HSPA4L: variants seen among roughly 807,000 people sequenced by gnomAD.
HSPA4L encodes heat shock 70 kDa protein 4L.
Under a neutral mutation model 100.3 loss-of-function variants are expected in HSPA4L, and 48 were observed. The ratio of observed to expected loss-of-function variants is 0.48; its 90% CI spans 0.38 to 0.61. HSPA4L has a LOEUF of 0.61. Among genes scored for constraint, HSPA4L ranks in the 20% least tolerant of loss-of-function variants. The pLI, the probability that HSPA4L is intolerant of heterozygous loss-of-function variation, is 0.00. For missense variants in HSPA4L, 886 were observed against 988.6 expected, an observed-to-expected ratio of 0.90 and a Z score of 1.39; for synonymous variants, 319 against 328.2, an observed-to-expected ratio of 0.97 and a Z score of 0.30.
intron 5 of HSPA4L, among the ~76,000 whole-genome samples, chr4:127,801,499 G>GTA (rs1355080245): frequency 4.0e-4 from 53 of 131,092 alleles, no homozygotes; most frequent in East Asian, 1.7e-3. Flanking sequence ...GTGTGTGTGT[G>GTA]TGTATGTACT....
Position 127,813,064 on chromosome 4 carries a change from C to T in HSPA4L, c.1578+1428C>T, listed in dbSNP as rs1049899782. The T allele has an allele frequency of 6.4e-6, 7 of 1,089,546 alleles. No individual in the cohort carries two copies. In the African/African-American group the frequency reaches 9.4e-5, roughly 15 times the overall value. 67.5% of individuals were successfully genotyped at this position (1,089,546 alleles called of 1,614,324 possible). On this transcript the variant is annotated intron_variant, in intron 12 of 18. Coordinates refer to ENST00000296464, the MANE Select transcript of HSPA4L (RefSeq NM_014278.4). Reference sequence around the variant, plus strand: ...GTGGGGCATTCCTTTTTGAACAGTACCCGTTCCCTTGATGTCTACAATATC... The same window carrying T: ...GTGGGGCATTCCTTTTTGAACAGTATCCGTTCCCTTGATGTCTACAATATC...
At chr4:127,783,469 G>C (rs996473141) in intron 1 of HSPA4L, 4 of 1,423,162 alleles carry the variant, frequency 2.8e-6, no homozygotes, top group South Asian at 1.6e-5. Context: ...TATTATGAAC[G>C]CTTAATGAAA....
chr4:127,804,608 AACACACACACACACAC>A (rs56013070), intron 8 of HSPA4L, among the ~76,000 whole-genome samples: 9 of 144,410 alleles, frequency 6.2e-5, no homozygotes, highest in African/African-American at 1.8e-4. Flanking sequence ...TCTGTCTCAA[AACACACACACACACAC>A]ACACACACAC....
upstream of HSPA4L, chr4:127,782,246 G>A (rs1479564647): frequency 2.4e-6 from 1 of 408,306 alleles, no homozygotes; most frequent in African/African-American, 2.2e-5. Flanking sequence ...GCGGAGCGGA[G>A]GCTCGCGCGC....
intron 16 of HSPA4L, 29 bp from the exon 17 acceptor site, chr4:127,827,276 T>C (rs200448636): frequency 1.3e-6 from 2 of 1,591,032 alleles, no homozygotes; most frequent in Non-Finnish European, 1.7e-6. Flanking sequence ...CAAAAATTTT[T>C]CTTCTTTAAA....
rs1176429456 is a variant in HSPA4L, at chr4:127,830,646, A to C, written c.2175A>C (p.Arg725Ser). ...TTTTTTTTTTTAAATAGGATGAAAG[A>C]TATGATCATCTGGATCCTACTGAAA... The part of the protein sequence containing the change: ...VIEAYRNKDE[R>S]YDHLDPTEME... The change falls in exon 18 of 19, where the codon AGA becomes AGC. Residue 725 changes from arginine (R) to serine (S), a missense_variant. Coordinates refer to ENST00000296464, the MANE Select transcript of HSPA4L (RefSeq NM_014278.4). 2 of 1,580,204 alleles carry C rather than the reference A, an allele frequency of 1.3e-6. No homozygotes were observed. Among genetic ancestry groups the C allele is most frequent in the East Asian group, 2.3e-5 (1 of 43,884 alleles).
intron 14 of HSPA4L, among the ~76,000 whole-genome samples, chr4:127,821,400 A>G (rs1036204786): frequency 6.6e-6 from 1 of 152,170 alleles, no homozygotes; most frequent in Non-Finnish European, 1.5e-5. Flanking sequence ...CACAAATGTG[A>G]ATGCATTGTA....
At position 127,832,785 on chromosome 4, in the gene HSPA4L, G is replaced by A; in HGVS notation, c.2431G>A (p.Asp811Asn). Residue 811 changes from aspartate (D) to asparagine (N), a missense_variant, in exon 19 of 19, where the codon GAT becomes AAT. Transcript: ENST00000296464. ...KANSEHNGPM[D>N]GQSGTETKSD... Reference sequence around the variant, plus strand: ...TAATAGTGAACACAATGGCCCAATGGATGGACAGAGTGGAACTGAAACTAA... The same window carrying A: ...TAATAGTGAACACAATGGCCCAATGAATGGACAGAGTGGAACTGAAACTAA... The A allele has an allele frequency of 6.2e-7, 1 of 1,613,708 alleles. No homozygotes were observed. The highest frequency in any genetic ancestry group is 8.5e-7 in the Non-Finnish European group (1 of 1,179,752).
intron 11 of HSPA4L, 139 bp downstream of exon 11, chr4:127,808,268 ATGTGCATT>A (rs1340375733): frequency 1.4e-5 from 10 of 709,620 alleles, no homozygotes; most frequent in Admixed American, 1.0e-4. Context: ...CTTTCTAGAA[ATGTGCATT>A]TGTAGTGCTC....
Position 127,798,725 on chromosome 4 carries a change from G to T in HSPA4L, c.429+16G>T. 1 of 1,611,090 alleles carries T rather than the reference G, an allele frequency of 6.2e-7. No individual in the cohort carries two copies. Among genetic ancestry groups the T allele is most frequent in the Non-Finnish European group, 8.5e-7 (1 of 1,177,848 alleles). Reference sequence around the variant, plus strand: ...TGTGATTTCAGTAAGTTTTACTTCAGTAATGAATACCCTTGAATTATATTT... The same window carrying T: ...TGTGATTTCAGTAAGTTTTACTTCATTAATGAATACCCTTGAATTATATTT... On this transcript the variant is annotated intron_variant, in intron 4 of 18. Coordinates refer to ENST00000296464, the MANE Select transcript of HSPA4L (RefSeq NM_014278.4).
chr4:127,821,144 G>A (rs996881856), intron 14 of HSPA4L, among the ~76,000 whole-genome samples: 1 of 152,010 alleles, frequency 6.6e-6, no homozygotes, highest in Non-Finnish European at 1.5e-5. Flanking sequence ...GGCATTAAAA[G>A]GTCAGTCTTC....
At chr4:127,816,866 A>G (rs986790474) in intron 12 of HSPA4L, among the ~76,000 whole-genome samples, 7 of 152,220 alleles carry the variant, frequency 4.6e-5, no homozygotes, top group Admixed American at 6.5e-5. Context: ...ATATAAATAT[A>G]TAAACAATAG....
chr4:127,830,925 T>C (rs959128191), intron 18 of HSPA4L, 126 bp downstream of exon 18: 2 of 604,556 alleles, frequency 3.3e-6, no homozygotes, highest in African/African-American at 3.9e-5. Flanking sequence ...TAATTTTTTA[T>C]TTAGTTAAAA....
chr4:127,800,783 C>A (rs966885669), intron 4 of HSPA4L, among the ~76,000 whole-genome samples: 1 of 152,044 alleles, frequency 6.6e-6, no homozygotes, highest in East Asian at 1.9e-4. Flanking sequence ...TATGGATATA[C>A]CATAATATAT....
chr4:127,787,460 C>T (rs1254486248), intron 1 of HSPA4L, among the ~76,000 whole-genome samples: 1 of 152,158 alleles, frequency 6.6e-6, no homozygotes, highest in Non-Finnish European at 1.5e-5. Context: ...CCCTTCCCAA[C>T]CACATCCTAA....
At chr4:127,825,301 CA>C (rs754668721) in intron 16 of HSPA4L, among the ~76,000 whole-genome samples, 3 of 152,076 alleles carry the variant, frequency 2.0e-5, no homozygotes, top group Non-Finnish European at 4.4e-5. Flanking sequence ...CCACTTTTAA[CA>C]AACTTCCAAG....
intron 1 of HSPA4L, among the ~76,000 whole-genome samples, chr4:127,785,132 AG>A (rs765233918): frequency 5.9e-5 from 9 of 152,246 alleles, no homozygotes; most frequent in Non-Finnish European, 1.3e-4. Context: ...AAGGGACAAA[AG>A]ACAAGTTAAT....
intron 17 of HSPA4L, among the ~76,000 whole-genome samples, chr4:127,829,127 A>G (rs1313760256): frequency 6.6e-6 from 1 of 152,182 alleles, no homozygotes; most frequent in Non-Finnish European, 1.5e-5. Context: ...AAGGTGATAC[A>G]CATGTTAGGA....
intron 11 of HSPA4L, chr4:127,809,126 T>C: frequency 1.5e-6 from 1 of 684,996 alleles, no homozygotes; most frequent in South Asian, 1.6e-5. Flanking sequence ...GATTGTGAAG[T>C]GCTCACCATT....
Sources: allele counts gnomAD v4.1 joint callset (sites outside exome capture counted in the v4.1 genomes callset), GRCh38; gene constraint gnomAD v4.1.1; transcripts MANE v1.5; gene names NCBI Gene and HGNC (gene_info 2026-07-23, HGNC 2026-07-21).